Variants in SETBP1 observed in about 807,000 individuals in gnomAD.
SETBP1 encodes the protein SET-binding protein.
Under a neutral mutation model 101.0 loss-of-function variants are expected in SETBP1, and 9 were observed. The ratio of observed to expected loss-of-function variants is 0.09; its 90% CI spans 0.05 to 0.16. The LOEUF (loss-of-function observed/expected upper bound fraction) is 0.16. SETBP1 is among the 10% of genes least tolerant of loss of function. SETBP1 has a pLI of 1.00. For missense variants in SETBP1, 1,858 were observed against 2,033.8 expected, an observed-to-expected ratio of 0.91 and a Z score of 1.66; for synonymous variants, 818 against 788.5, an observed-to-expected ratio of 1.04 and a Z score of -0.63.
intron 4 of SETBP1, among the ~76,000 whole-genome samples, chr18:45,036,978 C>T (rs17796509): frequency 0.43 from 65,815 of 152,016 alleles, 14,844 homozygotes; most frequent in African/African-American, 0.56. Flanking sequence ...AAATGTGTTC[C>T]CTTCATCTGT....
chr18:44,968,382 A>G (rs1599388779), intron 4 of SETBP1, among the ~76,000 whole-genome samples: 1 of 152,324 alleles, frequency 6.6e-6, no homozygotes, highest in Admixed American at 6.5e-5. Flanking sequence ...TAATAATTAA[A>G]TGGTTCAATG....
chr18:44,906,683 C>T (rs2070182793), intron 3 of SETBP1, among the ~76,000 whole-genome samples: 1 of 152,062 alleles, frequency 6.6e-6, no homozygotes, highest in South Asian at 2.1e-4. Context: ...CAAAACTCAA[C>T]AAGGGAGGAG....
At chr18:44,869,650 A>G (rs582521) in intron 3 of SETBP1, 133,048 of 342,098 alleles carry the variant, frequency 0.39, 27,226 homozygotes, top group Non-Finnish European at 0.44. Context: ...TGGACAGGAC[A>G]CTCGCATGTC....
intron 4 of SETBP1, among the ~76,000 whole-genome samples, chr18:44,992,316 T>G (rs944526035): frequency 6.6e-6 from 1 of 152,020 alleles, no homozygotes; most frequent in African/African-American, 2.4e-5. Flanking sequence ...AAGCCGACAT[T>G]TTTTTTAAAG....
chr18:44,890,135 G>A (rs979175549), intron 3 of SETBP1, among the ~76,000 whole-genome samples: 9 of 152,016 alleles, frequency 5.9e-5, no homozygotes, highest in South Asian at 2.1e-4. Flanking sequence ...TACCTTGCAA[G>A]TTTCAAGGAT....
At chr18:44,893,446 G>A (rs979744686) in intron 3 of SETBP1, among the ~76,000 whole-genome samples, 4 of 152,146 alleles carry the variant, frequency 2.6e-5, no homozygotes, top group Admixed American at 2.0e-4. Context: ...AGAGAGGTGA[G>A]ATGCAAACAC....
chr18:44,894,323 G>T (rs1242558570), intron 3 of SETBP1, among the ~76,000 whole-genome samples: 1 of 152,092 alleles, frequency 6.6e-6, no homozygotes, highest in African/African-American at 2.4e-5. Context: ...TGTTTTATAT[G>T]CTCCTCCCAA....
intron 2 of SETBP1, among the ~76,000 whole-genome samples, chr18:44,761,341 C>T (rs2070638745): frequency 6.6e-6 from 1 of 152,232 alleles, no homozygotes; most frequent in African/African-American, 2.4e-5. Flanking sequence ...AATCACCCTA[C>T]AGTGTAATAG....
chr18:44,787,839 C>T (rs865875558), intron 2 of SETBP1, among the ~76,000 whole-genome samples: 175 of 50,630 alleles, frequency 3.5e-3, no homozygotes, highest in African/African-American at 0.011. Context: ...CCGGCCTGGG[C>T]GACAGAGCGA....
At chr18:44,690,320 C>T (rs1409568058) in intron 1 of SETBP1, among the ~76,000 whole-genome samples, 3 of 152,194 alleles carry the variant, frequency 2.0e-5, no homozygotes, top group Admixed American at 2.0e-4. Flanking sequence ...GTATGCTTAG[C>T]ATCTCCTTTG....
At chr18:44,770,192 G>A (rs2070843345) in intron 2 of SETBP1, among the ~76,000 whole-genome samples, 1 of 152,226 alleles carries the variant, frequency 6.6e-6, no homozygotes, top group Admixed American at 6.5e-5. Context: ...AATGAGAAGA[G>A]TTTCTGTGGA....
chr18:45,008,266 T>C (rs73485268), intron 4 of SETBP1, among the ~76,000 whole-genome samples: 1 of 152,318 alleles, frequency 6.6e-6, no homozygotes, highest in African/African-American at 2.4e-5. Flanking sequence ...GTATAAAGTC[T>C]CAGTGATAAC....
At chr18:45,015,532 A>G (rs932597586) in intron 4 of SETBP1, among the ~76,000 whole-genome samples, 1 of 152,240 alleles carries the variant, frequency 6.6e-6, no homozygotes, top group African/African-American at 2.4e-5. Flanking sequence ...GACCCTCAGC[A>G]TGCCTCCAAA....
In SETBP1 at chr18:45,063,270, G is replaced by C; in HGVS notation, c.4363G>C (p.Gly1455Arg). 6.2e-7 allele frequency: 1 copy of C among 1,611,252 alleles called. No individual in the cohort carries two copies. Among genetic ancestry groups the C allele is most frequent in the Non-Finnish European group, 8.5e-7 (1 of 1,178,622 alleles). ...CAACAACTTCGTGAAGAAGAGGCGC[G>C]GGCGTCCCAGGAAGCAGCCCACCCA... is the stretch of plus-strand genomic sequence containing the variant. ...TGNNFVKKRR[G>R]RPRKQPTQFD... The change falls in exon 6 of 6, where the codon GGG becomes CGG. Residue 1455 changes from glycine (G) to arginine (R), a missense_variant. Gly to Arg is a moderately radical substitution (Grantham distance 125). This residue lies in a region of SETBP1 where 26 missense variants were observed against 56.3 expected (regional missense o/e 0.46). Transcript: ENST00000649279.
chr18:44,977,758 G>C (rs942781801), intron 4 of SETBP1, among the ~76,000 whole-genome samples: 7 of 152,210 alleles, frequency 4.6e-5, no homozygotes, highest in Admixed American at 4.6e-4. Flanking sequence ...GGGTGTTTCT[G>C]CAGTTGCTGC....
rs1295821265 is a variant in SETBP1, at chr18:44,951,917, C to A, written c.2577C>A (p.Ser859=). The change falls in exon 4 of 6, where the codon TCC becomes TCA. Residue 859 remains serine, a synonymous_variant. Coordinates refer to ENST00000649279, the MANE Select transcript of SETBP1 (RefSeq NM_015559.3). The surrounding 1 kb of genome is among the most constrained non-coding windows in gnomAD (Gnocchi z 7.8). ...KEITLSPVSE[S]HSEETIPSDS... is the part of the protein sequence containing the mutation. ...TCACGCTGTCCCCTGTGAGCGAGTC[C>A]CACAGTGAGGAGACGATCCCCAGCG... 6.2e-7 allele frequency: 1 copy of A among 1,613,754 alleles called. No individual in the cohort carries two copies. The highest frequency in any genetic ancestry group is 1.3e-5 in the African/African-American group (1 of 74,806).
At chr18:44,866,289 G>A (rs1227064880) in intron 2 of SETBP1, among the ~76,000 whole-genome samples, 4 of 152,176 alleles carry the variant, frequency 2.6e-5, no homozygotes, top group African/African-American at 9.7e-5. Flanking sequence ...AACATGCTAG[G>A]CGCTGAGTGC....
chr18:44,817,546 G>A (rs906972727), intron 2 of SETBP1, among the ~76,000 whole-genome samples: 14 of 152,018 alleles, frequency 9.2e-5, no homozygotes, highest in African/African-American at 2.2e-4. Flanking sequence ...TTAGCTGGGC[G>A]TGGTGGCAGG....
chr18:45,002,986 G>A (rs2072648375), intron 4 of SETBP1, among the ~76,000 whole-genome samples: 1 of 152,148 alleles, frequency 6.6e-6, no homozygotes, highest in South Asian at 2.1e-4. Context: ...TGAGAAACTA[G>A]TAATTAGATT....
Sources: allele counts gnomAD v4.1 joint callset (sites outside exome capture counted in the v4.1 genomes callset), GRCh38; gene constraint gnomAD v4.1.1; regional missense constraint gnomAD v4.1.1; non-coding constraint Gnocchi (gnomAD v3.1); transcripts MANE v1.5; gene names NCBI Gene and HGNC (gene_info 2026-07-23, HGNC 2026-07-21).